PRELID2: variants seen among roughly 807,000 people sequenced by gnomAD.
PRELID2 encodes PRELI domain-containing protein 2.
In PRELID2, 25 loss-of-function variants were observed where a neutral mutation model predicts 28.4. That is an observed-to-expected ratio of 0.88 (90% CI 0.64 to 1.23). The LOEUF is 1.23. PRELID2 is among the 50% of genes most tolerant of loss of function. The pLI is 0.00. For synonymous variants in PRELID2, 76 were observed against 71.6 expected, an observed-to-expected ratio of 1.06 and a Z score of -0.31; for missense variants, 201 against 214.4, an observed-to-expected ratio of 0.94 and a Z score of 0.39.
chr5:145,543,764 C>A (rs1752764049), intron 1 of PRELID2, among the ~76,000 whole-genome samples: 1 of 152,032 alleles, frequency 6.6e-6, no homozygotes, highest in African/African-American at 2.4e-5. Flanking sequence ...CTCTAGGAAA[C>A]CTTGACTATC....
At chr5:145,782,542 CA>C (rs1182876843) in intron 5 of PRELID2, among the ~76,000 whole-genome samples, 1 of 152,134 alleles carries the variant, frequency 6.6e-6, no homozygotes, top group Non-Finnish European at 1.5e-5. Context: ...TGGTCTTCCC[CA>C]AAGTTTCCAA....
chr5:145,349,500 T>C, the PRELID2 span, among the ~76,000 whole-genome samples: 1 of 152,074 alleles, frequency 6.6e-6, no homozygotes, highest in African/African-American at 2.4e-5. Context: ...CTTCATTTTT[T>C]TTTTACAAAT....
intron 1 of PRELID2, among the ~76,000 whole-genome samples, chr5:145,633,970 G>A (rs1753967321): frequency 6.6e-6 from 1 of 152,172 alleles, no homozygotes; most frequent in Non-Finnish European, 1.5e-5. Context: ...GAGCACAGAT[G>A]CCTCATGTTA....
chr5:145,377,659 C>T, the PRELID2 span, among the ~76,000 whole-genome samples: 322 of 152,176 alleles, frequency 2.1e-3, no homozygotes, highest in African/African-American at 7.3e-3. Flanking sequence ...CACTTAAAGA[C>T]TGTTTTGTCA....
At chr5:145,392,033 T>A in the PRELID2 span, among the ~76,000 whole-genome samples, 3 of 152,132 alleles carry the variant, frequency 2.0e-5, no homozygotes, top group African/African-American at 7.2e-5. Context: ...CCTGTCTTCT[T>A]CTGGGCCCTT....
At chr5:145,450,762 G>C in the PRELID2 span, 1 of 152,180 alleles carries the variant, frequency 6.6e-6, no homozygotes, top group African/African-American at 2.4e-5. Context: ...AATTCTGCAA[G>C]ACAGTCTGCC....
chr5:145,768,594 T>A (rs1044168213), intron 5 of PRELID2, among the ~76,000 whole-genome samples: 12 of 152,308 alleles, frequency 7.9e-5, no homozygotes, highest in African/African-American at 2.6e-4. Context: ...CTTTCAAGCT[T>A]CTATTTACAG....
chr5:145,574,317 T>A (rs959338741), intron 1 of PRELID2, among the ~76,000 whole-genome samples: 1 of 152,202 alleles, frequency 6.6e-6, no homozygotes, highest in Admixed American at 6.5e-5. Context: ...GATACATGAT[T>A]TTAGTTCAGC....
chr5:145,749,778 ACAGC>A (rs1757081715), intron 1 of PRELID2, among the ~76,000 whole-genome samples: 4 of 152,198 alleles, frequency 2.6e-5, no homozygotes, highest in African/African-American at 9.7e-5. Context: ...GGAATACTAC[ACAGC>A]CATAAAAAAG....
intron 5 of PRELID2, among the ~76,000 whole-genome samples, chr5:145,789,533 C>T (rs1347356634): frequency 6.6e-6 from 1 of 152,062 alleles, no homozygotes; most frequent in Non-Finnish European, 1.5e-5. Flanking sequence ...AGAACTGAAG[C>T]TATAAAATTA....
chr5:145,312,614 T>C, the PRELID2 span, among the ~76,000 whole-genome samples: 1 of 152,346 alleles, frequency 6.6e-6, no homozygotes, highest in Admixed American at 6.5e-5. Flanking sequence ...ACAGTATTTG[T>C]CTTCCTGTGT....
At chr5:145,314,216 A>C in the PRELID2 span, among the ~76,000 whole-genome samples, 1 of 152,240 alleles carries the variant, frequency 6.6e-6, no homozygotes, top group Non-Finnish European at 1.5e-5. Flanking sequence ...ACTGAAGCCC[A>C]GGTATGATTC....
the PRELID2 span, among the ~76,000 whole-genome samples, chr5:145,332,959 C>T: frequency 1.5e-4 from 23 of 152,156 alleles, no homozygotes; most frequent in African/African-American, 4.3e-4. Context: ...TTTGTATGGA[C>T]GTCCTTTTTG....
In PRELID2 at chr5:145,817,934, C is replaced by A. The variant is rs1561645110; in HGVS notation, c.328G>T (p.Glu110Ter). 1.9e-6 allele frequency: 3 copies of A among 1,574,884 alleles called. No homozygotes were observed. The highest frequency in any genetic ancestry group is 2.6e-6 in the Non-Finnish European group (3 of 1,162,922). Residue 110 changes from glutamate (E) to a stop codon, truncating the protein, a stop_gained, in exon 4 of 7, where the codon GAA becomes TAA. Transcript: ENST00000683046. LOFTEE classifies it high-confidence loss of function. ...ATACTTTCCCGGAAGACAGACTCTTCCTTCATGGATGCATACTGTGTCCAC... is the reference window on the plus strand; with the variant it reads ...ATACTTTCCCGGAAGACAGACTCTTACTTCATGGATGCATACTGTGTCCAC... ...LTWTQYASMKEESVFRESMEN... is the reference protein window; with the variant it reads ...LTWTQYASMK
chr5:145,675,446 C>A (rs553506836), intron 1 of PRELID2, among the ~76,000 whole-genome samples: 2 of 152,256 alleles, frequency 1.3e-5, no homozygotes, highest in East Asian at 1.9e-4. Flanking sequence ...CAGAACAAAC[C>A]CATTGAGAAG....
intron 1 of PRELID2, among the ~76,000 whole-genome samples, chr5:145,742,141 AATTT>A (rs1419634348): frequency 1.9e-3 from 11 of 5,652 alleles, no homozygotes; most frequent in African/African-American, 3.3e-3. Flanking sequence ...TAAATAAATA[AATTT>A]ATTTATTTAT....
chr5:145,520,731 T>G (rs1477497288), intron 1 of PRELID2, among the ~76,000 whole-genome samples: 6 of 152,210 alleles, frequency 3.9e-5, no homozygotes, highest in African/African-American at 1.4e-4. Context: ...AAATATGTTT[T>G]AGTATCCTTC....
chr5:145,348,114 T>G, the PRELID2 span, among the ~76,000 whole-genome samples: 2 of 152,234 alleles, frequency 1.3e-5, no homozygotes, highest in East Asian at 3.9e-4. Context: ...GAATCCATGA[T>G]CAGTTAAAGA....
At chr5:145,315,049 T>C in the PRELID2 span, among the ~76,000 whole-genome samples, 4 of 150,978 alleles carry the variant, frequency 2.6e-5, no homozygotes, top group Non-Finnish European at 4.4e-5. Context: ...CTAATTAATA[T>C]ACTCTACAAT....
Sources: allele counts gnomAD v4.1 joint callset (sites outside exome capture counted in the v4.1 genomes callset), GRCh38; gene constraint gnomAD v4.1.1; transcripts MANE v1.5; gene names NCBI Gene and HGNC (gene_info 2026-07-23, HGNC 2026-07-21).